Variants in ATP6V0A4 observed in about 807,000 individuals in gnomAD.
ATP6V0A4 encodes V-type proton ATPase 116 kDa subunit a 4.
ATP6V0A4 carries 86 observed loss-of-function variants against 107.3 expected under a neutral mutation model. The ratio of observed to expected loss-of-function variants is 0.80; its 90% CI spans 0.67 to 0.96. ATP6V0A4 has a LOEUF of 0.96. ATP6V0A4 is among the 40% of genes least tolerant of loss of function. The probability of loss-of-function intolerance (pLI) is 0.00; values close to 1 mark genes in which losing one functional copy is unlikely to be tolerated. For missense variants in ATP6V0A4, 908 were observed against 1,045.6 expected, an observed-to-expected ratio of 0.87 and a Z score of 1.81; for synonymous variants, 353 against 381.4, an observed-to-expected ratio of 0.93 and a Z score of 0.87.
intron 2 of ATP6V0A4, among the ~76,000 whole-genome samples, chr7:138,772,763 T>C (rs143972258): frequency 1.3e-5 from 2 of 152,192 alleles, no homozygotes; most frequent in African/African-American, 4.8e-5. Flanking sequence ...CCAGCAGCGA[T>C]CAATGCATTC....
chr7:138,754,691 C>T (rs112025582), intron 10 of ATP6V0A4, among the ~76,000 whole-genome samples: 4,254 of 151,964 alleles, frequency 0.028, 215 homozygotes, highest in African/African-American at 0.098. Context: ...GGCGCGATCT[C>T]GGCTCCCTGA....
At chr7:138,762,032 T>C (rs1806845495) in intron 7 of ATP6V0A4, among the ~76,000 whole-genome samples, 1 of 152,180 alleles carries the variant, frequency 6.6e-6, no homozygotes, top group Non-Finnish European at 1.5e-5. Flanking sequence ...CATAGCCTTG[T>C]TCCAACGCCA....
intron 2 of ATP6V0A4, among the ~76,000 whole-genome samples, chr7:138,778,575 A>T (rs985014592): frequency 6.6e-6 from 1 of 152,162 alleles, no homozygotes; most frequent in African/African-American, 2.4e-5. Context: ...GTACATGTGC[A>T]GCAGAAAAGT....
chr7:138,740,036 A>T (rs550501558), intron 14 of ATP6V0A4, among the ~76,000 whole-genome samples: 16 of 148,942 alleles, frequency 1.1e-4, no homozygotes, highest in Admixed American at 2.7e-4. Context: ...TCAAGGCTGC[A>T]GTGAGCCATG....
chr7:138,774,215 T>C (rs1488862587), intron 2 of ATP6V0A4, among the ~76,000 whole-genome samples: 1 of 152,220 alleles, frequency 6.6e-6, no homozygotes, highest in Non-Finnish European at 1.5e-5. Flanking sequence ...ACAAGATTCC[T>C]GGAGGCCTTA....
In ATP6V0A4 at chr7:138,788,903, G is replaced by A. The variant is rs1808277845; in HGVS notation, c.-120-2643C>T. 2.0e-5 allele frequency among the ~76,000 whole-genome samples: 3 copies of A among 152,164 alleles called. No homozygotes were observed. In the South Asian group the frequency reaches 6.2e-4, roughly 32 times the overall value. ...CCTCCCCAGCCATGTGGAACTGTGA[G>A]TTCAGTAAACCTCTTTTCTTTACAA... is the stretch of plus-strand genomic sequence containing the variant. On this transcript the variant is annotated intron_variant, in intron 1 of 21. Coordinates refer to ENST00000310018, the MANE Select transcript of ATP6V0A4 (RefSeq NM_020632.3).
intron 11 of ATP6V0A4, among the ~76,000 whole-genome samples, chr7:138,751,242 C>A (rs1346629279): frequency 6.6e-6 from 1 of 152,130 alleles, no homozygotes; most frequent in East Asian, 1.9e-4. Context: ...CACCCTCGTT[C>A]ACTGCAGAGC....
chr7:138,730,225 G>C (rs1804924851), intron 17 of ATP6V0A4, among the ~76,000 whole-genome samples: 2 of 152,150 alleles, frequency 1.3e-5, no homozygotes, highest in Admixed American at 1.3e-4. Flanking sequence ...GGGAGACCAT[G>C]TGAACCCAAG....
rs113196622 is a variant in ATP6V0A4, at chr7:138,778,219, C to T, written c.-17-6955G>A. 6.5e-3 allele frequency among the ~76,000 whole-genome samples: 992 copies of T among 151,862 alleles called. 11 individuals are homozygous for T. The highest frequency in any genetic ancestry group is 0.023 in the African/African-American group (943 of 41,378). Reference sequence around the variant, plus strand: ...TGAAACACCATCTTTACTAAAAATACAAAAAAATTAGCGGGGCGTGGTGGT... The same window carrying T: ...TGAAACACCATCTTTACTAAAAATATAAAAAAATTAGCGGGGCGTGGTGGT... On this transcript the variant is annotated intron_variant, in intron 2 of 21. Transcript: ENST00000310018.
chr7:138,788,245 C>A (rs983558644), intron 1 of ATP6V0A4, among the ~76,000 whole-genome samples: 5 of 152,146 alleles, frequency 3.3e-5, no homozygotes, highest in Non-Finnish European at 5.9e-5. Context: ...GAGAACAAAT[C>A]TCTCTGTTTA....
intron 19 of ATP6V0A4, among the ~76,000 whole-genome samples, chr7:138,720,241 C>T (rs79722929): frequency 2.3e-3 from 354 of 152,108 alleles, no homozygotes; most frequent in African/African-American, 7.9e-3. Context: ...CTAACCCTAC[C>T]GTGGAGAGAA....
rs1193713066 is a variant in ATP6V0A4, at chr7:138,771,128, TACATCTTTGA to T, written c.110_117+2del. 6 of 1,613,228 alleles carry T rather than the reference TACATCTTTGA, an allele frequency of 3.7e-6. No individual in the cohort carries two copies. ...TCTTATCTCCAAAGAACTCAGTACCTACATCTTTGAACTGAACCAATCCGAGCTCTCCGAG... is the reference window on the plus strand; with the variant it reads ...TCTTATCTCCAAAGAACTCAGTACCTACTGAACCAATCCGAGCTCTCCGAG... On this transcript the variant is annotated splice_donor_variant and coding_sequence_variant, in exon 3 of 22. Coordinates refer to ENST00000310018, the MANE Select transcript of ATP6V0A4 (RefSeq NM_020632.3). LOFTEE classifies it high-confidence loss of function.
At chr7:138,756,722 A>G (rs768694641) in intron 8 of ATP6V0A4, 182 bp from the exon 9 acceptor site, 22 of 368,740 alleles carry the variant, frequency 6.0e-5, no homozygotes, top group Non-Finnish European at 8.2e-5. Flanking sequence ...GCCATCCAGG[A>G]CCTCACAGAG....
intron 5 of ATP6V0A4, among the ~76,000 whole-genome samples, chr7:138,763,976 ATAT>A (rs1335498403): frequency 9.1e-6 from 1 of 110,392 alleles, no homozygotes; most frequent in African/African-American, 3.1e-5. Flanking sequence ...CAAAAAAAAA[ATAT>A]ATATATATAT....
intron 1 of ATP6V0A4, among the ~76,000 whole-genome samples, chr7:138,797,293 C>G (rs1808728252): frequency 6.9e-6 from 1 of 144,688 alleles, no homozygotes; most frequent in Non-Finnish European, 1.5e-5. Context: ...TCTCAGCTTA[C>G]TGCAACCTCT....
At chr7:138,708,216 A>G (rs1803552822) in intron 21 of ATP6V0A4, among the ~76,000 whole-genome samples, 1 of 151,504 alleles carries the variant, frequency 6.6e-6, no homozygotes, top group South Asian at 2.1e-4. Flanking sequence ...CACCCCAGCT[A>G]ATTTTGTATT....
intron 2 of ATP6V0A4, among the ~76,000 whole-genome samples, chr7:138,776,739 A>G (rs1330108482): frequency 6.6e-6 from 1 of 152,240 alleles, no homozygotes; most frequent in Admixed American, 6.5e-5. Flanking sequence ...CTCCAGCCCA[A>G]CTACTGGAGT....
At chr7:138,707,326 T>A (rs894084337) in intron 21 of ATP6V0A4, among the ~76,000 whole-genome samples, 4 of 105,092 alleles carry the variant, frequency 3.8e-5, no homozygotes, top group East Asian at 4.6e-4. Context: ...ATATTTATAT[T>A]TATATTTATA....
chr7:138,788,336 T>C (rs1193636986), intron 1 of ATP6V0A4, among the ~76,000 whole-genome samples: 2 of 152,208 alleles, frequency 1.3e-5, no homozygotes, highest in Admixed American at 6.5e-5. Flanking sequence ...AGAGTAATTG[T>C]AGGGAACCAG....
Sources: gnomAD v4.1 joint callset for allele counts (sites outside exome capture counted in the v4.1 genomes callset) on GRCh38, gnomAD v4.1.1 for gene constraint, MANE v1.5 for transcripts, NCBI Gene and HGNC (gene_info 2026-07-23, HGNC 2026-07-21) for gene names.